Variants in DPYD observed in about 807,000 individuals in gnomAD.
The protein encoded by DPYD is dihydropyrimidine dehydrogenase [NADP(+)].
DPYD carries 109 observed loss-of-function variants against 116.2 expected under a neutral mutation model. The observed-to-expected ratio is 0.94, with a 90% CI of 0.80 to 1.10. The LOEUF (loss-of-function observed/expected upper bound fraction) is 1.10. Ranked by LOEUF, DPYD falls within the 50% of genes least tolerant of loss-of-function variation. DPYD has a pLI of 0.00. For missense variants in DPYD, 1,302 were observed against 1,254.5 expected (o/e 1.04, Z -0.57); for synonymous variants, 440 against 432.0 (o/e 1.02, Z -0.23).
At chr1:97,618,911 T>C (rs557721105) in intron 8 of DPYD, among the ~76,000 whole-genome samples, 1 of 151,996 alleles carries the variant, frequency 6.6e-6, no homozygotes, top group Non-Finnish European at 1.5e-5. Context: ...GAAGAAATAA[T>C]AATGCACCAG....
At chr1:97,735,491 A>C (rs1663874463) in intron 4 of DPYD, among the ~76,000 whole-genome samples, 1 of 149,808 alleles carries the variant, frequency 6.7e-6, no homozygotes, top group Non-Finnish European at 1.5e-5. Flanking sequence ...CCTAGCTAAC[A>C]CAGTGAAACC....
At chr1:97,223,230 T>C (rs1660892424) in intron 19 of DPYD, among the ~76,000 whole-genome samples, 1 of 152,108 alleles carries the variant, frequency 6.6e-6, no homozygotes. Context: ...GCAGCTTTGA[T>C]TATTGTTAAA....
Position 97,134,015 on chromosome 1 carries a change from ATATATATATATATATATATAT to A in DPYD, c.2623-35404_2623-35384del, listed in dbSNP as rs1209953442. ...CTCTGTTTCAAAAAAAAAAAAAAAA[ATATATATATATATATATATAT>A]ATATATATATATATATATATATATA... On this transcript the variant is annotated intron_variant, in intron 20 of 22. Coordinates refer to ENST00000370192, the MANE Select transcript of DPYD (RefSeq NM_000110.4). Among the ~76,000 whole-genome samples the A allele has an allele frequency of 1.5e-3, 29 of 18,994 alleles. 1 individual carries two copies. Among genetic ancestry groups the A allele is most frequent in the African/African-American group, 3.0e-3 (24 of 8,086 alleles). The allele number at this position is 18,994 out of a possible 152,430, so 12.5% of individuals were successfully genotyped here. A position where few individuals can be genotyped will look rare whatever the true frequency, so the allele number is the denominator to read the frequency against.
intron 2 of DPYD, among the ~76,000 whole-genome samples, chr1:97,863,583 A>C (rs115781043): frequency 0.036 from 5,480 of 151,986 alleles, 149 homozygotes; most frequent in Admixed American, 0.097. Flanking sequence ...GCATTCATTA[A>C]AATTAATGGA....
chr1:97,168,590 T>C (rs1377021294), intron 20 of DPYD, among the ~76,000 whole-genome samples: 1 of 152,208 alleles, frequency 6.6e-6, no homozygotes, highest in Non-Finnish European at 1.5e-5. Flanking sequence ...TCATTGAATT[T>C]TCATTCTCCC....
At position 97,388,685 on chromosome 1, in the gene DPYD, A is replaced by C. The variant is rs571878651; in HGVS notation, c.1906-6224T>G. Among the ~76,000 whole-genome samples, 32 of 152,266 alleles carry C rather than the reference A, an allele frequency of 2.1e-4. 1 individual carries two copies. The South Asian group carries it at 6.6e-3, about 32-fold the overall frequency. The stretch of plus-strand genomic sequence containing the variant: ...AGGCTAGAATGAATTGAGTGAATAG[A>C]ATATGAAGAAGTAGAGGCAATACAT... On this transcript the variant is annotated intron_variant, in intron 14 of 22. Transcript: ENST00000370192.
At chr1:97,693,944 T>G (rs1661164872) in intron 6 of DPYD, among the ~76,000 whole-genome samples, 1 of 152,146 alleles carries the variant, frequency 6.6e-6, no homozygotes, top group Non-Finnish European at 1.5e-5. Context: ...GGACAACTTT[T>G]CTGTTGGTCA....
intron 8 of DPYD, among the ~76,000 whole-genome samples, chr1:97,627,717 C>A (rs962822441): frequency 1.3e-5 from 2 of 152,016 alleles, no homozygotes; most frequent in Non-Finnish European, 1.5e-5. Flanking sequence ...ACTCTCTTCT[C>A]TCCAAGTATT....
chr1:97,881,601 A>G (rs1672224030), intron 2 of DPYD, among the ~76,000 whole-genome samples: 1 of 152,068 alleles, frequency 6.6e-6, no homozygotes, highest in Admixed American at 6.6e-5. Context: ...AATAAACTCA[A>G]TTTATAGGAT....
intron 1 of DPYD, among the ~76,000 whole-genome samples, chr1:97,910,015 C>G (rs1673852586): frequency 6.6e-6 from 1 of 152,040 alleles, no homozygotes; most frequent in Admixed American, 6.6e-5. Flanking sequence ...TCAAAAGCCC[C>G]TAGCAGACTT....
chr1:97,712,183 A>G (rs900880058), intron 5 of DPYD, among the ~76,000 whole-genome samples: 6 of 151,972 alleles, frequency 3.9e-5, no homozygotes, highest in Admixed American at 1.3e-4. Context: ...CTACTTTAGG[A>G]GCTCCCCTTA....
intron 7 of DPYD, among the ~76,000 whole-genome samples, chr1:97,681,458 A>G (rs1660424507): frequency 1.3e-5 from 2 of 152,154 alleles, no homozygotes; most frequent in South Asian, 4.1e-4. Flanking sequence ...CTGTTTTTAT[A>G]TTGGCAGATA....
chr1:97,659,679 A>G (rs1659141364), intron 8 of DPYD, among the ~76,000 whole-genome samples: 1 of 152,158 alleles, frequency 6.6e-6, no homozygotes, highest in African/African-American at 2.4e-5. Context: ...TCAACTTGCT[A>G]TTTTATTCAT....
At chr1:97,409,374 G>A (rs574304025) in intron 14 of DPYD, among the ~76,000 whole-genome samples, 6 of 152,124 alleles carry the variant, frequency 3.9e-5, no homozygotes, top group Admixed American at 1.3e-4. Context: ...TGTATGGTAA[G>A]CTCCTAGAGA....
At chr1:97,538,723 T>C (rs148274651) in intron 12 of DPYD, among the ~76,000 whole-genome samples, 1 of 152,314 alleles carries the variant, frequency 6.6e-6, no homozygotes, top group South Asian at 2.1e-4. Flanking sequence ...TAAGCTACCA[T>C]TAAGCTGAAA....
intron 3 of DPYD, among the ~76,000 whole-genome samples, chr1:97,805,788 G>A (rs139644605): frequency 8.6e-5 from 13 of 151,874 alleles, no homozygotes; most frequent in Non-Finnish European, 1.5e-4. Flanking sequence ...CGGCACAGGC[G>A]GAGGGGTGTT....
At chr1:97,095,298 T>C (rs1650164115) in intron 21 of DPYD, among the ~76,000 whole-genome samples, 1 of 152,136 alleles carries the variant, frequency 6.6e-6, no homozygotes, top group South Asian at 2.1e-4. Flanking sequence ...GAATATAAAG[T>C]AAATGATGCA....
At chr1:97,585,938 TCA>T in intron 10 of DPYD, 1 of 152,220 alleles carries the variant, frequency 6.6e-6, no homozygotes, top group Non-Finnish European at 1.4e-5. Context: ...CTTCCCATGT[TCA>T]CAGAACAATT....
chr1:97,606,362 A>G (rs1442702858), intron 8 of DPYD, among the ~76,000 whole-genome samples: 1 of 152,068 alleles, frequency 6.6e-6, no homozygotes, highest in African/African-American at 2.4e-5. Context: ...AATTTAGAAT[A>G]GAGCAAGACA....
Sources: allele counts gnomAD v4.1 joint callset (sites outside exome capture counted in the v4.1 genomes callset), GRCh38; gene constraint gnomAD v4.1.1; transcripts MANE v1.5; gene names NCBI Gene and HGNC (gene_info 2026-07-23, HGNC 2026-07-21).